Variants in CENPP observed in about 807,000 individuals in gnomAD.
CENPP encodes the protein centromere protein P.
Under a neutral mutation model 35.6 loss-of-function variants are expected in CENPP, and 24 were observed. The observed-to-expected ratio is 0.67, with a 90% confidence interval of 0.49 to 0.95. CENPP has a LOEUF of 0.95. Ranked by LOEUF, CENPP falls within the 40% of genes least tolerant of loss-of-function variation. CENPP has a pLI of 0.00. For synonymous variants in CENPP, 120 were observed against 125.5 expected, an observed-to-expected ratio of 0.96 and a Z score of 0.29; for missense variants, 332 against 345.3, an observed-to-expected ratio of 0.96 and a Z score of 0.31.
chr9:92,560,405 C>G (rs527241677), intron 5 of CENPP, among the ~76,000 whole-genome samples: 2 of 152,238 alleles, frequency 1.3e-5, no homozygotes, highest in African/African-American at 4.8e-5. Context: ...ACCCGTACCT[C>G]CCCAGTTTCC....
At chr9:92,500,910 A>G (rs1214628302) in intron 5 of CENPP, 1 of 1,614,102 alleles carries the variant, frequency 6.2e-7, no homozygotes, top group African/African-American at 1.3e-5. Flanking sequence ...CAAGTATTCC[A>G]GGCCTGGTTC....
At chr9:92,335,854 CT>C (rs1458177450) in intron 2 of CENPP, among the ~76,000 whole-genome samples, 2 of 152,158 alleles carry the variant, frequency 1.3e-5, no homozygotes, top group Non-Finnish European at 2.9e-5. Context: ...GAAGTTTATT[CT>C]GGCTCTCCTG....
chr9:92,387,062 A>G (rs1175111850), intron 5 of CENPP, among the ~76,000 whole-genome samples: 1 of 149,844 alleles, frequency 6.7e-6, no homozygotes, highest in African/African-American at 2.4e-5. Context: ...AGAAAAAAAA[A>G]AAAAAAAAAA....
intron 5 of CENPP, among the ~76,000 whole-genome samples, chr9:92,437,620 A>G (rs574112505): frequency 2.6e-5 from 4 of 151,462 alleles, no homozygotes; most frequent in African/African-American, 7.3e-5. Flanking sequence ...ATGTTGCCCA[A>G]GCTGATCTTG....
intron 5 of CENPP, among the ~76,000 whole-genome samples, chr9:92,421,905 GA>G (rs1297501492): frequency 6.6e-6 from 1 of 152,106 alleles, no homozygotes; most frequent in Admixed American, 6.5e-5. Flanking sequence ...ACGGAGACAG[GA>G]AAGTCTTTTG....
At chr9:92,606,158 A>C (rs1227879908) in intron 5 of CENPP, among the ~76,000 whole-genome samples, 1 of 152,108 alleles carries the variant, frequency 6.6e-6, no homozygotes, top group Non-Finnish European at 1.5e-5. Context: ...GCTACTTGGG[A>C]GGCTGAGGTG....
At chr9:92,606,957 T>C (rs1338562896) in intron 5 of CENPP, among the ~76,000 whole-genome samples, 1 of 152,128 alleles carries the variant, frequency 6.6e-6, no homozygotes, top group Non-Finnish European at 1.5e-5. Flanking sequence ...AGCAAGACTC[T>C]GTCTCAAAAT....
chr9:92,342,473 T>C (rs775001493), intron 3 of CENPP, among the ~76,000 whole-genome samples: 2 of 152,256 alleles, frequency 1.3e-5, no homozygotes, highest in Non-Finnish European at 2.9e-5. Context: ...TTTTAAAGTA[T>C]GTATGTGTTT....
At chr9:92,492,851 G>T (rs1026716816) in intron 5 of CENPP, among the ~76,000 whole-genome samples, 2 of 152,124 alleles carry the variant, frequency 1.3e-5, no homozygotes, top group African/African-American at 4.8e-5. Flanking sequence ...CCCTCACTGA[G>T]CCCCAGCATC....
intron 5 of CENPP, among the ~76,000 whole-genome samples, chr9:92,579,727 T>A (rs868208973): frequency 7.1e-6 from 1 of 140,174 alleles, no homozygotes; most frequent in African/African-American, 2.9e-5. Context: ...TTTCTAGATA[T>A]ACAATCATGT....
intron 5 of CENPP, chr9:92,512,045 A>G (rs1194042792): frequency 6.2e-7 from 1 of 1,613,370 alleles, no homozygotes; most frequent in Non-Finnish European, 8.5e-7. Flanking sequence ...TGAAGAAGTG[A>G]TATTATTTTT....
At chr9:92,328,325 A>G (rs886803510) in intron 1 of CENPP, among the ~76,000 whole-genome samples, 2 of 152,122 alleles carry the variant, frequency 1.3e-5, no homozygotes, top group Admixed American at 1.3e-4. Context: ...TTAAGTGATT[A>G]TAAGTGGTTG....
chr9:92,532,041 T>TTTTTTTA (rs1433523712), intron 5 of CENPP, among the ~76,000 whole-genome samples: 1 of 143,418 alleles, frequency 7.0e-6, no homozygotes, highest in Admixed American at 6.8e-5. Flanking sequence ...TTTATTTTTT[T>TTTTTTTA]TTTGAGATGA....
chr9:92,536,197 A>G (rs1849154162), intron 5 of CENPP: 2 of 367,514 alleles, frequency 5.4e-6, no homozygotes, highest in South Asian at 2.0e-5. Flanking sequence ...TAAGAAAAGT[A>G]GAAAACAGCA....
intron 5 of CENPP, among the ~76,000 whole-genome samples, chr9:92,527,368 A>G (rs1848477563): frequency 6.6e-6 from 1 of 152,194 alleles, no homozygotes; most frequent in Non-Finnish European, 1.5e-5. Flanking sequence ...AGTTTTCAGT[A>G]CAGTCATGGG....
rs769778548 is a variant in CENPP, at chr9:92,616,126, TCC to T, written c.*2979_*2980del. ...TCATTTCCCTCCCTCCCGTTCTCTCTCCCTTTCTTCTTTCAACTAGTATGTTT... is the reference window on the plus strand; with the variant it reads ...TCATTTCCCTCCCTCCCGTTCTCTCTCTTTCTTCTTTCAACTAGTATGTTT... On this transcript the variant is annotated 3_prime_UTR_variant, in exon 8 of 8. Transcript: ENST00000375587. 44 of 1,049,786 alleles carry T rather than the reference TCC, an allele frequency of 4.2e-5. No individual in the cohort carries two copies. In the East Asian group the frequency reaches 7.1e-4, roughly 17 times the overall value. The allele number at this position is 1,049,786 out of a possible 1,614,324, so 65.0% of individuals were successfully genotyped here. A position where few individuals can be genotyped will look rare whatever the true frequency, so the allele number is the denominator to read the frequency against.
chr9:92,605,591 TCA>T (rs1851055759), intron 5 of CENPP, among the ~76,000 whole-genome samples: 1 of 152,134 alleles, frequency 6.6e-6, no homozygotes, highest in Non-Finnish European at 1.5e-5. Context: ...AACTGGATAT[TCA>T]CAGACAAAAG....
At chr9:92,489,239 A>G (rs1846126354) in intron 5 of CENPP, among the ~76,000 whole-genome samples, 2 of 152,208 alleles carry the variant, frequency 1.3e-5, no homozygotes, top group Admixed American at 1.3e-4. Flanking sequence ...TTTACAGTAG[A>G]TTTTCCTCTG....
intron 5 of CENPP, chr9:92,474,694 T>G: frequency 1.9e-6 from 3 of 1,613,806 alleles, no homozygotes; most frequent in Non-Finnish European, 2.5e-6. Flanking sequence ...ACAGATCAAA[T>G]GGAAAAAAAT....
Sources: gnomAD v4.1 joint callset for allele counts (sites outside exome capture counted in the v4.1 genomes callset) on GRCh38, gnomAD v4.1.1 for gene constraint, MANE v1.5 for transcripts, NCBI Gene and HGNC (gene_info 2026-07-23, HGNC 2026-07-21) for gene names.